TIMM50: variants seen among roughly 807,000 people sequenced by gnomAD.
TIMM50 encodes translocase of inner mitochondrial membrane 50.
A neutral mutation model predicts 49.6 loss-of-function variants in TIMM50; 34 were observed. The ratio of observed to expected loss-of-function variants is 0.69; its 90% confidence interval spans 0.52 to 0.91. TIMM50 has a LOEUF of 0.91. TIMM50 is among the 40% of genes least tolerant of loss of function. The pLI, the probability that TIMM50 is intolerant of heterozygous loss-of-function variation, is 0.00. For synonymous variants in TIMM50, 199 were observed against 198.4 expected (o/e 1.00, Z -0.03); for missense variants, 458 against 477.8 (o/e 0.96, Z 0.39).
chr19:39,482,396 G>A (rs903681910), intron 2 of TIMM50, among the ~76,000 whole-genome samples: 12 of 152,064 alleles, frequency 7.9e-5, no homozygotes, highest in Non-Finnish European at 1.0e-4. Flanking sequence ...GGTGGCTCAC[G>A]CCTGTAATCC....
intron 6 of TIMM50, 148 bp downstream of exon 6, chr19:39,485,955 G>A (rs2146156017): frequency 7.6e-7 from 1 of 1,307,564 alleles, no homozygotes; most frequent in African/African-American, 1.5e-5. Context: ...GGAGAAGGCA[G>A]TCATGCTAAC....
chr19:39,483,056 C>T (rs1392434186), intron 3 of TIMM50, 79 bp from the exon 4 acceptor site: 2 of 1,608,614 alleles, frequency 1.2e-6, no homozygotes, highest in African/African-American at 2.7e-5. Flanking sequence ...CTCTTGGGGT[C>T]CTGGAGATTC....
intron 8 of TIMM50, 36 bp from the exon 9 acceptor site, chr19:39,488,025 G>C: frequency 6.3e-7 from 1 of 1,584,922 alleles, no homozygotes. Flanking sequence ...GGAGAGTTGG[G>C]CACAGATGTT....
In TIMM50 at chr19:39,489,061, TGA is replaced by T. The variant is rs2079527015; in HGVS notation, c.960+420_960+421del. On this transcript the variant is annotated intron_variant, in intron 10 of 10. Coordinates refer to ENST00000607714, the MANE Select transcript of TIMM50 (RefSeq NM_001001563.5). ...GACCCTGGTAATTTGGAAGTGGGAC[TGA>T]GAGTATGGATTGCGTCTGGGTAAGA... Among the ~76,000 whole-genome samples the T allele has an allele frequency of 3.3e-5, 5 of 152,030 alleles. No individual in the cohort carries two copies. In the South Asian group the frequency reaches 1.0e-3, roughly 32 times the overall value.
chr19:39,487,275 G>A (rs1173914205), intron 8 of TIMM50, among the ~76,000 whole-genome samples: 1 of 152,028 alleles, frequency 6.6e-6, no homozygotes, highest in Non-Finnish European at 1.5e-5. Flanking sequence ...GGGTTGTTTT[G>A]TTTTTTGTTT....
intron 4 of TIMM50, 68 bp downstream of exon 4, chr19:39,483,224 T>A: frequency 4.4e-6 from 7 of 1,598,140 alleles, no homozygotes; most frequent in Non-Finnish European, 6.0e-6. Context: ...AGGATGTCTC[T>A]CTCCCCATCT....
intron 1 of TIMM50, 131 bp downstream of exon 1, chr19:39,481,092 G>A: frequency 9.6e-6 from 12 of 1,253,586 alleles, no homozygotes; most frequent in Non-Finnish European, 1.3e-5. Flanking sequence ...GTGTTTTGGG[G>A]CCCTTCCCAA....
intron 10 of TIMM50, among the ~76,000 whole-genome samples, chr19:39,489,468 C>G (rs2079529623): frequency 6.6e-6 from 1 of 152,106 alleles, no homozygotes; most frequent in Non-Finnish European, 1.5e-5. Context: ...AGTCTGTCGT[C>G]CCCCAAACAT....
Position 39,486,186 on chromosome 19 carries a change from G to C in TIMM50, c.493-1G>C, listed in dbSNP as rs1330323439. On this transcript the variant is annotated splice_acceptor_variant, in intron 6 of 10. Transcript: ENST00000607714. LOFTEE classifies it high-confidence loss of function. ...TTTCACTGTCCTCACTGTCTTCCCA[G>C]CTGGCCACTGGCTGGAGGTTTAAGA... 6.2e-7 allele frequency: 1 copy of C among 1,614,094 alleles called. No homozygotes were observed. The highest frequency in any genetic ancestry group is 1.7e-5 in the Admixed American group (1 of 60,004).
Position 39,487,923 on chromosome 19 carries a change from C to T in TIMM50, c.697-138C>T, listed in dbSNP as rs559976438. The T allele has an allele frequency of 2.0e-5, 26 of 1,322,748 alleles. 1 individual carries two copies. Among genetic ancestry groups the T allele is most frequent in the Middle Eastern group, 2.1e-4 (1 of 4,656 alleles). The allele number at this position is 1,322,748 out of a possible 1,614,324, so 81.9% of individuals were successfully genotyped here. On this transcript the variant is annotated intron_variant, in intron 8 of 10. Transcript: ENST00000607714. ...GGGGGTCGATGCCATCATCCAAAGCCGGTCTTTGAGAGGCCCTGCCATTGT... is the reference window on the plus strand; with the variant it reads ...GGGGGTCGATGCCATCATCCAAAGCTGGTCTTTGAGAGGCCCTGCCATTGT...
Position 39,488,571 on chromosome 19 carries a change from AC to A in TIMM50, c.888del (p.Val297CysfsTer22). On this transcript the variant is annotated frameshift_variant, in exon 10 of 11. Transcript: ENST00000607714. LOFTEE classifies it high-confidence loss of function. ...IALNGVEDVR[T>X]VLEHYALEDD... ...ACTGAATGGTGTGGAGGACGTGCGA[AC>A]CGTGCTGGAGCACTATGCCCTGGAG... 2 of 1,613,162 alleles carry A rather than the reference AC, an allele frequency of 1.2e-6. No individual in the cohort carries two copies. The highest frequency in any genetic ancestry group is 1.7e-6 in the Non-Finnish European group (2 of 1,180,002).
Position 39,482,040 on chromosome 19 carries a change from G to A in TIMM50, c.259+7G>A. 6.2e-7 allele frequency: 1 copy of A among 1,611,724 alleles called. No homozygotes were observed. Among genetic ancestry groups the A allele is most frequent in the Non-Finnish European group, 8.5e-7 (1 of 1,178,034 alleles). The stretch of plus-strand genomic sequence containing the variant: ...AGCGTCGTCTATATCTTTGGTGAGG[G>A]ACATATCCCTGTCCCCCAGTTTTGT... On this transcript the variant is annotated splice_region_variant and intron_variant, in intron 2 of 10. Coordinates refer to ENST00000607714, the MANE Select transcript of TIMM50 (RefSeq NM_001001563.5).
In TIMM50 at chr19:39,491,758, G is replaced by A. The variant is rs1321848089; in HGVS notation, c.*1938G>A. 2.0e-5 allele frequency: 3 copies of A among 148,520 alleles called. No homozygotes were observed. The highest frequency in any genetic ancestry group is 7.5e-5 in the African/African-American group (3 of 40,122). 9.2% of individuals were successfully genotyped at this position (148,520 alleles called of 1,614,324 possible). On this transcript the variant is annotated 3_prime_UTR_variant, in exon 11 of 11. Coordinates refer to ENST00000607714, the MANE Select transcript of TIMM50 (RefSeq NM_001001563.5). ...GAATCCCTTGAGCCAAGGAGGTCGT[G>A]CGTGGCTGTGATGATCTGTGATCGT...
Position 39,480,981 on chromosome 19 carries a change from C to A in TIMM50, c.108+20C>A. ...GATCAGGTGAGCGGAACGAGGGTGG[C>A]CCTCTGAATGTGGGGTCCCTTCCCT... On this transcript the variant is annotated intron_variant, in intron 1 of 10. Transcript: ENST00000607714. 6.4e-7 allele frequency: 1 copy of A among 1,567,390 alleles called. No individual in the cohort carries two copies. Among genetic ancestry groups the A allele is most frequent in the Non-Finnish European group, 8.6e-7 (1 of 1,167,414 alleles).
In TIMM50 at chr19:39,480,967, C is replaced by G; in HGVS notation, c.108+6C>G. 2 of 1,578,778 alleles carry G rather than the reference C, an allele frequency of 1.3e-6. No individual in the cohort carries two copies. The highest frequency in any genetic ancestry group is 1.7e-6 in the Non-Finnish European group (2 of 1,171,762). ...CCCGCCGGGCCCCAGATCAGGTGAGCGGAACGAGGGTGGCCCTCTGAATGT... is the reference window on the plus strand; with the variant it reads ...CCCGCCGGGCCCCAGATCAGGTGAGGGGAACGAGGGTGGCCCTCTGAATGT... On this transcript the variant is annotated splice_donor_region_variant and intron_variant, in intron 1 of 10. Coordinates refer to ENST00000607714, the MANE Select transcript of TIMM50 (RefSeq NM_001001563.5).
At position 39,483,144 on chromosome 19, in the gene TIMM50, G is replaced by A. The variant is rs760955152; in HGVS notation, c.301G>A (p.Glu101Lys). Residue 101 changes from glutamate to lysine, a missense_variant, in exon 4 of 11, where the codon GAG (glutamate) becomes AAG (lysine). Transcript: ENST00000607714. The part of the protein sequence containing the change: ...VDENGAKIPD[E>K]FDNDPILVQQ... ...TCTCTCTACCTCCCAGATTCCTGAT[G>A]AGTTCGACAATGGTGAGTAAACAAG... 32 of 1,614,056 alleles carry A rather than the reference G, an allele frequency of 2.0e-5. No individual in the cohort carries two copies. Among genetic ancestry groups the A allele is most frequent in the Non-Finnish European group, 2.5e-5 (30 of 1,180,046 alleles).
At chr19:39,489,338 G>A (rs1199576545) in intron 10 of TIMM50, among the ~76,000 whole-genome samples, 1 of 152,152 alleles carries the variant, frequency 6.6e-6, no homozygotes, top group Non-Finnish European at 1.5e-5. Flanking sequence ...AACAGGGTCT[G>A]CGATAGGATC....
At position 39,480,914 on chromosome 19, in the gene TIMM50, G is replaced by A. The variant is rs1163753803; in HGVS notation, c.61G>A (p.Gly21Arg). Residue 21 changes from glycine (G) to arginine (R), a missense_variant, in exon 1 of 11, where the codon GGA becomes AGA. Transcript: ENST00000607714. ...AAGCGGGCTCCGGCTCGGCTCGCGGGGACTGTGCACGAGGTTGGCGACGCC... is the reference window on the plus strand; with the variant it reads ...AAGCGGGCTCCGGCTCGGCTCGCGGAGACTGTGCACGAGGTTGGCGACGCC... ...LRSGLRLGSR[G>R]LCTRLATPPR... is the part of the protein sequence containing the mutation. 2 of 1,591,890 alleles carry A rather than the reference G, an allele frequency of 1.3e-6. No homozygotes were observed. Among genetic ancestry groups the A allele is most frequent in the African/African-American group, 2.7e-5 (2 of 74,860 alleles).
Position 39,491,305 on chromosome 19 carries a change from T to G in TIMM50, c.*1485T>G, listed in dbSNP as rs949932113. 53 of 151,660 alleles carry G rather than the reference T, an allele frequency of 3.5e-4. No homozygotes were observed. The highest frequency in any genetic ancestry group is 1.2e-3 in the African/African-American group (51 of 41,374). 9.4% of individuals were successfully genotyped at this position (151,660 alleles called of 1,614,324 possible). On this transcript the variant is annotated 3_prime_UTR_variant, in exon 11 of 11. Transcript: ENST00000607714. ...CCTCAACCTCCCAAGTAGCTGAGATTACAGGCGCACACCACCACGCCCGGC... is the reference window on the plus strand; with the variant it reads ...CCTCAACCTCCCAAGTAGCTGAGATGACAGGCGCACACCACCACGCCCGGC...
Sources: gnomAD v4.1 joint callset for allele counts (sites outside exome capture counted in the v4.1 genomes callset) on GRCh38, gnomAD v4.1.1 for gene constraint, MANE v1.5 for transcripts, NCBI Gene and HGNC (gene_info 2026-07-23, HGNC 2026-07-21) for gene names.